SLC2A5: variants seen among roughly 807,000 people sequenced by gnomAD.
SLC2A5 encodes the protein solute carrier family 2 member 5.
SLC2A5 carries 56 observed loss-of-function variants against 50.3 expected under a neutral mutation model. That is an observed-to-expected ratio of 1.11 (90% CI 0.90 to 1.39). SLC2A5 has a LOEUF of 1.39. Among genes scored for constraint, SLC2A5 ranks in the 40% most tolerant of loss-of-function variants. The probability of loss-of-function intolerance (pLI) is 0.00; values close to 1 mark genes in which losing one functional copy is unlikely to be tolerated. For synonymous variants in SLC2A5, 269 were observed against 281.9 expected (o/e 0.95, Z 0.46); for missense variants, 566 against 650.1 (o/e 0.87, Z 1.41).
chr1:9,067,821 C>T (rs774491528), intron 1 of SLC2A5, among the ~76,000 whole-genome samples: 4 of 152,136 alleles, frequency 2.6e-5, no homozygotes, highest in Non-Finnish European at 4.4e-5. Context: ...GCCCCTACAA[C>T]GAAGCGTTAG....
upstream of SLC2A5, among the ~76,000 whole-genome samples, chr1:9,091,754 G>A (rs182655446): frequency 2.0e-5 from 3 of 151,872 alleles, no homozygotes; most frequent in Non-Finnish European, 4.4e-5. Flanking sequence ...TTATAGATGG[G>A]AGCGCATCAA....
At chr1:9,086,471 C>T (rs1642403280) in intron 1 of SLC2A5, among the ~76,000 whole-genome samples, 1 of 151,582 alleles carries the variant, frequency 6.6e-6, no homozygotes, top group Non-Finnish European at 1.5e-5. Flanking sequence ...TCACTACAAC[C>T]TCTGCCTCCC....
chr1:9,053,451 AT>A (rs1342999818), intron 3 of SLC2A5, among the ~76,000 whole-genome samples: 2 of 43,528 alleles, frequency 4.6e-5, no homozygotes, highest in Admixed American at 4.3e-4. Flanking sequence ...TATTATATAT[AT>A]TTATATATAT....
intron 3 of SLC2A5, among the ~76,000 whole-genome samples, chr1:9,050,985 C>A (rs958773359): frequency 6.6e-6 from 1 of 152,120 alleles, no homozygotes; most frequent in Non-Finnish European, 1.5e-5. Flanking sequence ...AAGAGGTAAA[C>A]CAACAATTCT....
At chr1:9,092,657 C>G (rs1642471439), upstream of SLC2A5, among the ~76,000 whole-genome samples, 2 of 152,196 alleles carry the variant, frequency 1.3e-5, no homozygotes, top group South Asian at 4.1e-4. Context: ...GCCTTTCCCA[C>G]AACAAACAAA....
At chr1:9,039,197 C>T (rs1460113907) in intron 8 of SLC2A5, among the ~76,000 whole-genome samples, 2 of 152,216 alleles carry the variant, frequency 1.3e-5, no homozygotes, top group Admixed American at 6.5e-5. Flanking sequence ...TTCCTGCCCT[C>T]GGGAGGCCAG....
chr1:9,041,737 G>A (rs1641307789), intron 5 of SLC2A5, 48 bp downstream of exon 5: 1 of 1,614,006 alleles, frequency 6.2e-7, no homozygotes, highest in Non-Finnish European at 8.5e-7. Context: ...AGGGGGCCAA[G>A]GGTAGTGGTG....
intron 2 of SLC2A5, among the ~76,000 whole-genome samples, chr1:9,076,787 T>G (rs2124472090): frequency 6.6e-6 from 1 of 151,350 alleles, no homozygotes; most frequent in East Asian, 1.9e-4. Flanking sequence ...AAGTGTGGTG[T>G]TTTTTTTGTT....
chr1:9,037,738 T>C lies in SLC2A5; in HGVS notation c.1354A>G (p.Thr452Ala). 4 of 1,614,038 alleles carry C rather than the reference T, an allele frequency of 2.5e-6. No homozygotes were observed. The highest frequency in any genetic ancestry group is 3.4e-6 in the Non-Finnish European group (4 of 1,180,014). ...ACAATCAAGAAGATGTAGATGGTGG[T>C]GAGGAGGCAGATCACGGCGAAGACA... ...FIVFAVICLL[T>A]TIYIFLIVPE... The change falls in exon 12 of 12, where the codon ACC becomes GCC. Residue 452 changes from threonine (T) to alanine (A), a missense_variant. By Grantham distance (58) the Thr-to-Ala change is moderately conservative (BLOSUM62 0). Transcript: ENST00000377424.
chr1:9,077,479 G>A (rs1319986274), intron 2 of SLC2A5, among the ~76,000 whole-genome samples: 5 of 150,008 alleles, frequency 3.3e-5, no homozygotes, highest in Non-Finnish European at 7.4e-5. Context: ...AGTGGCTCAC[G>A]CCTGTAATCC....
intron 3 of SLC2A5, among the ~76,000 whole-genome samples, 181 bp from the exon 4 acceptor site, chr1:9,047,915 G>A (rs1041010197): frequency 8.5e-5 from 13 of 152,194 alleles, no homozygotes; most frequent in African/African-American, 2.9e-4. Flanking sequence ...GTGGGAATAC[G>A]CTCAGTGTGG....
chr1:9,054,251 C>A (rs1055793882), intron 3 of SLC2A5, among the ~76,000 whole-genome samples: 1 of 152,110 alleles, frequency 6.6e-6, no homozygotes, highest in Admixed American at 6.6e-5. Context: ...CACAGTGACT[C>A]CCAGGATAAA....
In SLC2A5 at chr1:9,038,459, G is replaced by A; in HGVS notation, c.1146C>T (p.Ser382=). 6.2e-7 allele frequency: 1 copy of A among 1,613,716 alleles called. No homozygotes were observed. The stretch of plus-strand genomic sequence containing the variant: ...GCCCGAGGGCATGTCCTATGACGTA[G>A]GAGATGACACAGACGATGCTGATGT... ...MPYISIVCVI[S]YVIGHALGPS... is the part of the protein sequence containing the mutation. Residue 382 remains serine, a synonymous_variant, in exon 10 of 12, where the codon TCC becomes TCT. Transcript: ENST00000377424.
chr1:9,071,753 AGCCGAG>A (rs1642216679), upstream of SLC2A5: 1 of 152,312 alleles, frequency 6.6e-6, no homozygotes, highest in Non-Finnish European at 1.5e-5. Context: ...CCCTGGAGGG[AGCCGAG>A]CGCGGGGACG....
At chr1:9,065,127 C>G (rs1642047656) in intron 1 of SLC2A5, among the ~76,000 whole-genome samples, 1 of 151,602 alleles carries the variant, frequency 6.6e-6, no homozygotes, top group Non-Finnish European at 1.5e-5. Context: ...GAATTCCTAA[C>G]AAACACCGTT....
intron 1 of SLC2A5, among the ~76,000 whole-genome samples, chr1:9,060,114 CACTA>C (rs1228050697): frequency 1.5e-5 from 2 of 130,680 alleles, no homozygotes; most frequent in Admixed American, 8.7e-5. Context: ...AATACACACA[CACTA>C]TACACACACA....
At chr1:9,058,349 T>TC in intron 1 of SLC2A5, 99 bp from the exon 2 acceptor site, 1 of 830,022 alleles carries the variant, frequency 1.2e-6, no homozygotes, top group Non-Finnish European at 2.0e-6. Context: ...AATCTGAAGA[T>TC]CCATAGTCTT....
chr1:9,038,029 A>C lies in SLC2A5; in HGVS notation c.1175-5T>G. ...TGAGCAGCGCGGGTATGGGACCTGT[A>C]GGGGGAGGAGAGCAGCCTCCCTGAA... is the stretch of plus-strand genomic sequence containing the variant. On this transcript the variant is annotated splice_polypyrimidine_tract_variant and splice_region_variant and intron_variant, in intron 10 of 11. Coordinates refer to ENST00000377424, the MANE Select transcript of SLC2A5 (RefSeq NM_003039.3). The C allele has an allele frequency of 6.2e-7, 1 of 1,613,508 alleles. No homozygotes were observed. Among genetic ancestry groups the C allele is most frequent in the Non-Finnish European group, 8.5e-7 (1 of 1,179,902 alleles).
At chr1:9,069,663 T>C (rs917815219), upstream of SLC2A5, 69 of 978,446 alleles carry the variant, frequency 7.1e-5, no homozygotes, top group Non-Finnish European at 1.0e-4. Context: ...AGCATTTTTA[T>C]AGCCAGATTA....
Sources: allele counts gnomAD v4.1 joint callset (sites outside exome capture counted in the v4.1 genomes callset), GRCh38; gene constraint gnomAD v4.1.1; transcripts MANE v1.5; gene names NCBI Gene and HGNC (gene_info 2026-07-23, HGNC 2026-07-21).